Variants in PCDHA4 observed in about 807,000 individuals in gnomAD.
PCDHA4 encodes the protein protocadherin alpha 4.
PCDHA4 carries 49 observed loss-of-function variants against 61.4 expected under a neutral mutation model. That is an observed-to-expected ratio of 0.80 (90% CI 0.63 to 1.01). PCDHA4 has a LOEUF of 1.01. PCDHA4 is among the 50% of genes least tolerant of loss of function. The pLI, the probability that PCDHA4 is intolerant of heterozygous loss-of-function variation, is 0.00. For synonymous variants in PCDHA4, 590 were observed against 550.3 expected (o/e 1.07, Z -1.01); for missense variants, 1,254 against 1,235.8 (o/e 1.01, Z -0.22).
At chr5:140,967,226 C>G (rs782350843) in intron 1 of PCDHA4, 1 of 1,613,746 alleles carries the variant, frequency 6.2e-7, no homozygotes, top group Non-Finnish European at 8.5e-7. Flanking sequence ...GCCCAACTAC[C>G]AGCTTCAGGT....
Position 140,841,228 on chromosome 5 carries a change from G to A in PCDHA4, c.2385+31656G>A. On this transcript the variant is annotated intron_variant, in intron 1 of 3. Coordinates refer to ENST00000530339, the MANE Select transcript of PCDHA4 (RefSeq NM_018907.4). ...TCTGTCTCTAAAGGCCGAACAACGG[G>A]AGATGCAGCGGAATTGGATTAAAAG... The A allele has an allele frequency of 7.6e-6, 11 of 1,455,732 alleles. 1 individual carries two copies. In the South Asian group the frequency reaches 1.2e-4, roughly 17 times the overall value. The allele number at this position is 1,455,732 out of a possible 1,614,324, so 90.2% of individuals were successfully genotyped here.
intron 1 of PCDHA4, among the ~76,000 whole-genome samples, chr5:140,897,558 T>A (rs1413076305): frequency 3.3e-5 from 5 of 152,186 alleles, no homozygotes; most frequent in African/African-American, 1.2e-4. Context: ...ATGGTGTATA[T>A]GTGCCACATT....
In PCDHA4 at chr5:141,010,294, C is replaced by T. The variant is rs545906858; in HGVS notation, c.*357C>T. ...TCCTGTCTTGATGACACTTGCAGGG[C>T]AGGCTGAAAAGTTTTGAGATTGAGC... On this transcript the variant is annotated 3_prime_UTR_variant, in exon 4 of 4. Coordinates refer to ENST00000530339, the MANE Select transcript of PCDHA4 (RefSeq NM_018907.4). 3.2e-6 allele frequency: 5 copies of T among 1,549,782 alleles called. No homozygotes were observed. Among genetic ancestry groups the T allele is most frequent in the Non-Finnish European group, 4.4e-6 (5 of 1,146,446 alleles).
intron 1 of PCDHA4, among the ~76,000 whole-genome samples, chr5:140,910,538 AT>A: frequency 6.6e-6 from 1 of 152,180 alleles, no homozygotes; most frequent in Non-Finnish European, 1.5e-5. Context: ...TCACAAATCT[AT>A]TTTGCAAAGT....
At chr5:140,966,125 C>T (rs1443798693) in intron 1 of PCDHA4, 1 of 159,140 alleles carries the variant, frequency 6.3e-6, no homozygotes, top group African/African-American at 2.4e-5. Context: ...TTAGCTAAGG[C>T]CCCTCAGTTT....
Position 140,876,798 on chromosome 5 carries a change from C to G in PCDHA4, c.2385+67226C>G, listed in dbSNP as rs199586239. 1.6e-4 allele frequency: 252 copies of G among 1,614,180 alleles called. 4 individuals are homozygous for G. The East Asian group carries it at 3.4e-3, about 22-fold the overall frequency. ...CGCTGTGGGCCACGGCTAGAGTGTC[C>G]GTGGAGGTGGCCGACGTGAACGACA... On this transcript the variant is annotated intron_variant, in intron 1 of 3. Coordinates refer to ENST00000530339, the MANE Select transcript of PCDHA4 (RefSeq NM_018907.4).
chr5:140,861,872 G>T (rs1554155357), intron 1 of PCDHA4: 1 of 155,960 alleles, frequency 6.4e-6, no homozygotes, highest in Non-Finnish European at 1.4e-5. Context: ...TGATGGGGGC[G>T]AAGCTGAGCT....
intron 1 of PCDHA4, among the ~76,000 whole-genome samples, chr5:140,839,453 A>G (rs113969469): frequency 3.3e-5 from 5 of 152,018 alleles, no homozygotes; most frequent in African/African-American, 1.2e-4. Context: ...GCAGTGGCAC[A>G]ATCTGGGCTT....
chr5:140,916,161 GC>G (rs2077457967), intron 1 of PCDHA4, among the ~76,000 whole-genome samples: 1 of 152,084 alleles, frequency 6.6e-6, no homozygotes, highest in African/African-American at 2.4e-5. Flanking sequence ...GGTGAATGCT[GC>G]CAGGCCTGGG....
chr5:140,836,286 C>G lies in PCDHA4; in HGVS notation c.2385+26714C>G, dbSNP rs146878440. 2.7e-4 allele frequency: 429 copies of G among 1,613,656 alleles called. 1 individual carries two copies. Among genetic ancestry groups the G allele is most frequent in the Non-Finnish European group, 5.8e-5 (68 of 1,179,818 alleles). ...GTACACTGGTGAGATCAGCACGACACGAGCCCTAGATGAGACGGACGCACC... is the reference window on the plus strand; with the variant it reads ...GTACACTGGTGAGATCAGCACGACAGGAGCCCTAGATGAGACGGACGCACC... On this transcript the variant is annotated intron_variant, in intron 1 of 3. Coordinates refer to ENST00000530339, the MANE Select transcript of PCDHA4 (RefSeq NM_018907.4).
intron 1 of PCDHA4, chr5:140,876,017 T>TAAAAAC (rs782503573): frequency 2.3e-5 from 37 of 1,613,124 alleles, no homozygotes; most frequent in Non-Finnish European, 2.8e-5. Context: ...GAGCTTAAAA[T>TAAAAAC]AAAAACAAAA....
chr5:140,986,355 T>C (rs1381730343), intron 3 of PCDHA4, among the ~76,000 whole-genome samples: 3 of 152,154 alleles, frequency 2.0e-5, no homozygotes, highest in African/African-American at 7.2e-5. Context: ...CTTCTTCAGA[T>C]GGAGGAATGC....
rs782636217 is a variant in PCDHA4 at position 140,928,409 on chromosome 5, C to T, written c.2386-50540C>T. The T allele has an allele frequency of 1.9e-6, 3 of 1,614,030 alleles. No individual in the cohort carries two copies. The Admixed American group carries it at 5.0e-5, about 27-fold the overall frequency. On this transcript the variant is annotated intron_variant, in intron 1 of 3. Coordinates refer to ENST00000530339, the MANE Select transcript of PCDHA4 (RefSeq NM_018907.4). ...CTGGCAGTGGAATCATCCAGTGGGG[C>T]CATCACTGCCAAAACTTCCTTTGAC...
chr5:140,830,162 G>T (rs1554132602), intron 1 of PCDHA4: 1 of 1,613,386 alleles, frequency 6.2e-7, no homozygotes, highest in East Asian at 2.2e-5. Context: ...GGGCCCAGAG[G>T]CGGCGCTGGT....
chr5:140,995,893 A>T (rs1038677586), intron 3 of PCDHA4, among the ~76,000 whole-genome samples: 1 of 152,182 alleles, frequency 6.6e-6, no homozygotes, highest in Non-Finnish European at 1.5e-5. Flanking sequence ...AGATTTATCA[A>T]TGTATAAAAG....
rs2150394601 is a variant in PCDHA4 at position 140,846,768 on chromosome 5, A to T, written c.2385+37196A>T. On this transcript the variant is annotated intron_variant, in intron 1 of 3. Coordinates refer to ENST00000530339, the MANE Select transcript of PCDHA4 (RefSeq NM_018907.4). ...TACAGATCTCTAACAGCATATCATC[A>T]TGTCAGGAATTATTACTGAGCCCCA... Among the ~76,000 whole-genome samples, 10 of 149,454 alleles carry T rather than the reference A, an allele frequency of 6.7e-5. 1 individual carries two copies. The highest frequency in any genetic ancestry group is 2.2e-4 in the African/African-American group (9 of 40,730).
intron 1 of PCDHA4, chr5:140,841,411 G>C: frequency 6.2e-7 from 1 of 1,613,088 alleles, no homozygotes; most frequent in Non-Finnish European, 8.5e-7. Flanking sequence ...GGAGCGGCCA[G>C]CTCCACTACT....
chr5:140,862,658 G>A (rs547936781), intron 1 of PCDHA4: 19 of 545,608 alleles, frequency 3.5e-5, no homozygotes, highest in Admixed American at 1.9e-4. Flanking sequence ...GCGCGGGACC[G>A]GGACGCGCAG....
intron 1 of PCDHA4, chr5:140,857,097 T>C (rs782084085): frequency 6.3e-7 from 1 of 1,597,284 alleles, no homozygotes; most frequent in Non-Finnish European, 8.6e-7. Context: ...CCTGAGGTGA[T>C]TGTCACTTCT....
Sources: allele counts gnomAD v4.1 joint callset (sites outside exome capture counted in the v4.1 genomes callset), GRCh38; gene constraint gnomAD v4.1.1; transcripts MANE v1.5; gene names NCBI Gene and HGNC (gene_info 2026-07-23, HGNC 2026-07-21).